CADM1: variants seen among roughly 807,000 people sequenced by gnomAD.
The protein encoded by CADM1 is cell adhesion molecule 1, also known as TSLC-1.
In CADM1, 15 loss-of-function variants were observed where a neutral mutation model predicts 53.1. The observed-to-expected ratio is 0.28, with a 90% confidence interval of 0.19 to 0.44. The LOEUF is 0.44. Among genes scored for constraint, CADM1 ranks in the 20% least tolerant of loss-of-function variants. CADM1 has a pLI of 1.00. For missense variants in CADM1, 434 were observed against 611.3 expected (o/e 0.71, Z 3.06); for synonymous variants, 281 against 243.0 (o/e 1.16, Z -1.45).
chr11:115,465,953 T>C (rs1236928966), intron 1 of CADM1, among the ~76,000 whole-genome samples: 1 of 152,128 alleles, frequency 6.6e-6, no homozygotes, highest in African/African-American at 2.4e-5. Context: ...TAGTTCAGAG[T>C]GAGCAACAAA....
intron 1 of CADM1, among the ~76,000 whole-genome samples, chr11:115,355,189 G>A (rs1945833032): frequency 6.6e-6 from 1 of 152,184 alleles, no homozygotes. Flanking sequence ...CACAATAATA[G>A]CAAAGACATG....
rs1942185798 is a variant in CADM1 at position 115,240,384 on chromosome 11, ACT to A, written c.159_160del (p.Val54AspfsTer14). 2 of 1,613,630 alleles carry A rather than the reference ACT, an allele frequency of 1.2e-6. No individual in the cohort carries two copies. The highest frequency in any genetic ancestry group is 1.7e-6 in the Non-Finnish European group (2 of 1,179,832). ...GATGGTCGCAACCTCTCCCTCGATCACTGTCACGTCTTTCGTAAACAGATTCT... is the reference window on the plus strand; with the variant it reads ...GATGGTCGCAACCTCTCCCTCGATCAGTCACGTCTTTCGTAAACAGATTCT... On this transcript the variant is annotated frameshift_variant, in exon 2 of 12. Coordinates refer to ENST00000331581, the MANE Select transcript of CADM1 (RefSeq NM_001301043.2). LOFTEE classifies it high-confidence loss of function.
chr11:115,195,106 T>C (rs914554166), intron 9 of CADM1, among the ~76,000 whole-genome samples: 2 of 152,218 alleles, frequency 1.3e-5, no homozygotes, highest in Non-Finnish European at 2.9e-5. Flanking sequence ...GAAGATCCCT[T>C]GTGTCAGCCT....
chr11:115,503,800 G>A (rs1480669828), intron 1 of CADM1, among the ~76,000 whole-genome samples: 2 of 151,972 alleles, frequency 1.3e-5, no homozygotes. Flanking sequence ...CTGGGAGTCA[G>A]CCACCAGGAG....
chr11:115,466,496 C>T (rs1327080594), intron 1 of CADM1, among the ~76,000 whole-genome samples: 1 of 152,208 alleles, frequency 6.6e-6, no homozygotes, highest in Non-Finnish European at 1.5e-5. Flanking sequence ...AACCCAACTA[C>T]TTCAGTCGCT....
chr11:115,474,138 CA>C (rs1426199264), intron 1 of CADM1, among the ~76,000 whole-genome samples: 26 of 151,104 alleles, frequency 1.7e-4, no homozygotes, highest in Non-Finnish European at 2.5e-4. Context: ...ACTAAAAATA[CA>C]AAAAATACAG....
intron 7 of CADM1, among the ~76,000 whole-genome samples, chr11:115,212,008 G>A (rs866859784): frequency 3.2e-4 from 49 of 152,156 alleles, no homozygotes; most frequent in African/African-American, 1.1e-3. Context: ...TGGGGCAACT[G>A]TTGTCCTTCA....
chr11:115,196,376 C>T (rs1268911493), intron 9 of CADM1, among the ~76,000 whole-genome samples: 2 of 152,010 alleles, frequency 1.3e-5, no homozygotes, highest in Admixed American at 1.3e-4. Flanking sequence ...ACTAGAGTCA[C>T]ACTAAGAACA....
chr11:115,302,947 C>G (rs1174944970), intron 1 of CADM1, among the ~76,000 whole-genome samples: 1 of 151,908 alleles, frequency 6.6e-6, no homozygotes, highest in African/African-American at 2.4e-5. Flanking sequence ...TACAAGATGC[C>G]AGAAGAAAAA....
chr11:115,308,211 T>TATATATATATATATATATATAC (rs139012671), intron 1 of CADM1, among the ~76,000 whole-genome samples: 4 of 139,422 alleles, frequency 2.9e-5, no homozygotes, highest in African/African-American at 1.1e-4. Context: ...TATATATATA[T>TATATATATATATATATATATAC]ACACACCTAT....
In CADM1 at chr11:115,171,962, C is replaced by T. The variant is rs1185022531; in HGVS notation, c.*4512G>A. 1 of 152,254 alleles carries T rather than the reference C, an allele frequency of 6.6e-6. No individual in the cohort carries two copies. Among genetic ancestry groups the T allele is most frequent in the Non-Finnish European group, 1.5e-5 (1 of 68,074 alleles). 9.4% of individuals were successfully genotyped at this position (152,254 alleles called of 1,614,324 possible). A position where few individuals can be genotyped will look rare whatever the true frequency, so the allele number is the denominator to read the frequency against. ...CTGGGTAACCTTCTATCGTTTTAGT[C>T]ACCATTTGCCTCTATCCTGTGACTG... On this transcript the variant is annotated 3_prime_UTR_variant, in exon 12 of 12. Coordinates refer to ENST00000331581, the MANE Select transcript of CADM1 (RefSeq NM_001301043.2).
chr11:115,317,093 C>T (rs1459787653), intron 1 of CADM1, among the ~76,000 whole-genome samples: 1 of 152,156 alleles, frequency 6.6e-6, no homozygotes, highest in East Asian at 1.9e-4. Flanking sequence ...GAAAAAACGG[C>T]TCCTCAACCT....
At chr11:115,385,091 A>C (rs1024686777) in intron 1 of CADM1, among the ~76,000 whole-genome samples, 18 of 152,052 alleles carry the variant, frequency 1.2e-4, no homozygotes, top group African/African-American at 4.3e-4. Flanking sequence ...TTGTTTTCAG[A>C]ACCCTTACAG....
At chr11:115,347,439 C>T (rs952549999) in intron 1 of CADM1, among the ~76,000 whole-genome samples, 2 of 152,152 alleles carry the variant, frequency 1.3e-5, no homozygotes, top group African/African-American at 4.8e-5. Flanking sequence ...ATATTAGCAT[C>T]ACATACAAGC....
intron 1 of CADM1, among the ~76,000 whole-genome samples, chr11:115,266,398 CT>C (rs1943142064): frequency 6.6e-6 from 1 of 152,182 alleles, no homozygotes; most frequent in African/African-American, 2.4e-5. Flanking sequence ...GTGCTACTGC[CT>C]GGGGCCTGCT....
rs1250796871 is a variant in CADM1, at chr11:115,175,172, T to C, written c.*1302A>G. On this transcript the variant is annotated 3_prime_UTR_variant, in exon 12 of 12. Transcript: ENST00000331581. ...ACATGCTGTTTTTCCACCTCTGCTC[T>C]GACCTATCGAGAACTGAGAGCGACA... 2.0e-6 allele frequency: 2 copies of C among 985,742 alleles called. No individual in the cohort carries two copies. The highest frequency in any genetic ancestry group is 1.2e-6 in the Non-Finnish European group (1 of 829,934). The allele number at this position is 985,742 out of a possible 1,614,324, so 61.1% of individuals were successfully genotyped here.
intron 1 of CADM1, among the ~76,000 whole-genome samples, chr11:115,306,681 A>G (rs927707767): frequency 1.3e-5 from 2 of 151,962 alleles, no homozygotes; most frequent in Non-Finnish European, 2.9e-5. Flanking sequence ...TAAAATTAGT[A>G]AGCAAGATGA....
intron 1 of CADM1, among the ~76,000 whole-genome samples, chr11:115,301,369 T>A (rs1349143219): frequency 6.6e-6 from 1 of 152,076 alleles, no homozygotes; most frequent in Non-Finnish European, 1.5e-5. Flanking sequence ...GGAAGTTTAG[T>A]TTGAAGAGCA....
chr11:115,241,613 T>A (rs1942233079), intron 1 of CADM1, among the ~76,000 whole-genome samples: 1 of 152,172 alleles, frequency 6.6e-6, no homozygotes, highest in East Asian at 1.9e-4. Flanking sequence ...ATAATAAATA[T>A]AAAGCATTTA....
Sources: gnomAD v4.1 joint callset for allele counts (sites outside exome capture counted in the v4.1 genomes callset) on GRCh38, gnomAD v4.1.1 for gene constraint, MANE v1.5 for transcripts, NCBI Gene and HGNC (gene_info 2026-07-23, HGNC 2026-07-21) for gene names.